Variants in ASIC5 observed in about 807,000 individuals in gnomAD.
ASIC5 encodes the protein bile acid-sensitive ion channel.
ASIC5 carries 52 observed loss-of-function variants against 51.2 expected under a neutral mutation model. The observed-to-expected ratio is 1.02, with a 90% CI of 0.81 to 1.28. ASIC5 has a LOEUF of 1.28. Among genes scored for constraint, ASIC5 ranks in the 50% most tolerant of loss-of-function variants. The probability of loss-of-function intolerance (pLI) is 0.00; values close to 1 mark genes in which losing one functional copy is unlikely to be tolerated. For missense variants in ASIC5, 635 were observed against 595.0 expected, an observed-to-expected ratio of 1.07 and a Z score of -0.70; for synonymous variants, 231 against 200.7, an observed-to-expected ratio of 1.15 and a Z score of -1.28.
At chr4:155,856,352 T>A (rs757263270) in intron 2 of ASIC5, among the ~76,000 whole-genome samples, 5 of 152,070 alleles carry the variant, frequency 3.3e-5, no homozygotes, top group Admixed American at 2.0e-4. Flanking sequence ...CCATATTAAA[T>A]CCTTTCTCAG....
intron 9 of ASIC5, among the ~76,000 whole-genome samples, chr4:155,830,537 T>C (rs1415316496): frequency 6.6e-6 from 1 of 152,226 alleles, no homozygotes; most frequent in Admixed American, 6.5e-5. Context: ...CTTTTTGATA[T>C]TTTAAAATTT....
In ASIC5 at chr4:155,854,343, G is replaced by A. The variant is rs746849635; in HGVS notation, c.348-29C>T. 10 of 1,404,406 alleles carry A rather than the reference G, an allele frequency of 7.1e-6. No individual in the cohort carries two copies. The South Asian group carries it at 1.2e-4, about 17-fold the overall frequency. The allele number at this position is 1,404,406 out of a possible 1,614,324, so 87.0% of individuals were successfully genotyped here. A position where few individuals can be genotyped will look rare whatever the true frequency, so the allele number is the denominator to read the frequency against. ...TTAGCAGGAATGAAGGCAATAGTTA[G>A]AATAATGAAAACTTATAATTATCTG... On this transcript the variant is annotated intron_variant, in intron 2 of 9. Coordinates refer to ENST00000537611, the MANE Select transcript of ASIC5 (RefSeq NM_017419.3).
chr4:155,865,343 G>T (rs1741835155), intron 1 of ASIC5, among the ~76,000 whole-genome samples: 1 of 151,944 alleles, frequency 6.6e-6, no homozygotes, highest in Admixed American at 6.6e-5. Context: ...AAAAGTTATT[G>T]TTACTAATTA....
intron 3 of ASIC5, among the ~76,000 whole-genome samples, chr4:155,852,707 C>A (rs1579293922): frequency 5.7e-5 from 1 of 17,504 alleles, no homozygotes; most frequent in Non-Finnish European, 7.7e-4. Flanking sequence ...AATCACATGA[C>A]CCTTTTACTC....
intron 6 of ASIC5, among the ~76,000 whole-genome samples, chr4:155,841,705 T>C (rs974716742): frequency 6.6e-5 from 10 of 152,200 alleles, no homozygotes; most frequent in Non-Finnish European, 1.2e-4. Flanking sequence ...ATTAAGAAAA[T>C]CTTGGTGTGC....
chr4:155,842,170 G>A (rs757970904), intron 6 of ASIC5, 37 bp downstream of exon 6: 9 of 1,579,912 alleles, frequency 5.7e-6, no homozygotes, highest in Non-Finnish European at 7.8e-6. Flanking sequence ...ACACTTAACT[G>A]TCTAGTTAAG....
chr4:155,852,952 C>G (rs975062359), intron 3 of ASIC5, among the ~76,000 whole-genome samples: 4 of 151,890 alleles, frequency 2.6e-5, no homozygotes, highest in East Asian at 1.9e-4. Context: ...AGAACTGATA[C>G]AGAAAGAAGC....
At chr4:155,855,777 C>G (rs1043332199) in intron 2 of ASIC5, among the ~76,000 whole-genome samples, 1 of 151,012 alleles carries the variant, frequency 6.6e-6, no homozygotes, top group Non-Finnish European at 1.5e-5. Context: ...AATATTTACT[C>G]TAAAAGACAT....
intron 8 of ASIC5, among the ~76,000 whole-genome samples, chr4:155,832,850 A>C (rs1740898839): frequency 6.6e-6 from 1 of 152,072 alleles, no homozygotes; most frequent in Admixed American, 6.6e-5. Flanking sequence ...GGATTTTTGC[A>C]ATAGCTTGCT....
Position 155,866,177 on chromosome 4 carries a change from C to T in ASIC5, c.40+10G>A. On this transcript the variant is annotated intron_variant, in intron 1 of 9. Coordinates refer to ENST00000537611, the MANE Select transcript of ASIC5 (RefSeq NM_017419.3). The stretch of plus-strand genomic sequence containing the variant: ...ATATTACTGCTCTGAGGAGTTCACT[C>T]TTTACTCACCGTTCTCAGCATATAC... The T allele has an allele frequency of 1.3e-6, 2 of 1,579,860 alleles. No homozygotes were observed. The highest frequency in any genetic ancestry group is 1.7e-6 in the Non-Finnish European group (2 of 1,149,988).
At chr4:155,862,391 T>C (rs2110772742) in intron 2 of ASIC5, among the ~76,000 whole-genome samples, 1 of 152,166 alleles carries the variant, frequency 6.6e-6, no homozygotes, top group Non-Finnish European at 1.5e-5. Context: ...TAACAACAAA[T>C]ATGTGAAGTA....
At chr4:155,831,599 G>A (rs998207917) in intron 9 of ASIC5, among the ~76,000 whole-genome samples, 6 of 152,000 alleles carry the variant, frequency 3.9e-5, no homozygotes, top group South Asian at 2.1e-4. Context: ...GTGAAACCCC[G>A]TCTCTACTAA....
chr4:155,848,102 A>T (rs1370775434), intron 4 of ASIC5, among the ~76,000 whole-genome samples: 2 of 152,064 alleles, frequency 1.3e-5, no homozygotes, highest in Non-Finnish European at 2.9e-5. Flanking sequence ...TGCTGTTTTT[A>T]TTAGGGCTTC....
rs755042406 is a variant in ASIC5 at position 155,830,056 on chromosome 4, A to G, written c.1328-10T>C. On this transcript the variant is annotated splice_polypyrimidine_tract_variant and intron_variant, in intron 9 of 9. Transcript: ENST00000537611. ...TGACCACCAAGATCTGCTGTAATAA[A>G]ACCAATAAAGATTGAATGTCATTAT... 1.2e-5 allele frequency: 18 copies of G among 1,510,898 alleles called. No homozygotes were observed. The South Asian group carries it at 2.4e-4, about 20-fold the overall frequency. The allele number at this position is 1,510,898 out of a possible 1,614,324, so 93.6% of individuals were successfully genotyped here. A position where few individuals can be genotyped will look rare whatever the true frequency, so the allele number is the denominator to read the frequency against.
At chr4:155,835,588 C>T (rs944943360) in intron 8 of ASIC5, among the ~76,000 whole-genome samples, 1 of 152,110 alleles carries the variant, frequency 6.6e-6, no homozygotes, top group Non-Finnish European at 1.5e-5. Context: ...AAGTGCTCTT[C>T]TAAGTCATAT....
intron 5 of ASIC5, 49 bp downstream of exon 5, chr4:155,843,632 T>A (rs749006392): frequency 9.4e-6 from 15 of 1,594,004 alleles, no homozygotes; most frequent in Non-Finnish European, 1.0e-5. Flanking sequence ...TACTTATGTG[T>A]TTGATGCATT....
chr4:155,854,021 A>G, intron 3 of ASIC5, 56 bp downstream of exon 3: 1 of 1,303,194 alleles, frequency 7.7e-7, no homozygotes, highest in Non-Finnish European at 1.1e-6. Context: ...AATGTGAAAC[A>G]GTGCAGTAAC....
At chr4:155,853,161 T>A (rs898433792) in intron 3 of ASIC5, among the ~76,000 whole-genome samples, 4 of 152,032 alleles carry the variant, frequency 2.6e-5, no homozygotes, top group Non-Finnish European at 4.4e-5. Flanking sequence ...TAACATGAAA[T>A]TTTTTGTTGG....
chr4:155,857,311 A>G (rs896099785), intron 2 of ASIC5, among the ~76,000 whole-genome samples: 1 of 151,944 alleles, frequency 6.6e-6, no homozygotes, highest in African/African-American at 2.4e-5. Context: ...TTTTGTAGAG[A>G]CAGAGTTTTA....
Sources: gnomAD v4.1 joint callset for allele counts (sites outside exome capture counted in the v4.1 genomes callset) on GRCh38, gnomAD v4.1.1 for gene constraint, MANE v1.5 for transcripts, NCBI Gene and HGNC (gene_info 2026-07-23, HGNC 2026-07-21) for gene names.